FCHSD2: variants seen among roughly 807,000 people sequenced by gnomAD.
The protein encoded by FCHSD2 is F-BAR and double SH3 domains protein 2.
Under a neutral mutation model 108.1 loss-of-function variants are expected in FCHSD2, and 38 were observed. That is an observed-to-expected ratio of 0.35 (90% CI 0.27 to 0.46). FCHSD2 has a LOEUF of 0.46. FCHSD2 is among the 20% of genes least tolerant of loss of function. The pLI, the probability that FCHSD2 is intolerant of heterozygous loss-of-function variation, is 1.00. For synonymous variants in FCHSD2, 279 were observed against 314.7 expected (o/e 0.89, Z 1.20); for missense variants, 751 against 897.8 (o/e 0.84, Z 2.09).
intron 9 of FCHSD2, among the ~76,000 whole-genome samples, chr11:72,909,524 C>T (rs1337214294): frequency 2.0e-5 from 3 of 149,888 alleles, no homozygotes; most frequent in Non-Finnish European, 4.5e-5. Flanking sequence ...AGCCCCTCTG[C>T]CCGGCCGCCC....
chr11:73,102,041 C>T lies in FCHSD2; in HGVS notation c.120-18301G>A, dbSNP rs574555742. On this transcript the variant is annotated intron_variant, in intron 2 of 19. Transcript: ENST00000409418. ...CAATTGAAGTTTGAAGGCCATCAGG[C>T]TGAAGACCATATTTTTAAATATGAA... is the stretch of plus-strand genomic sequence containing the variant. Among the ~76,000 whole-genome samples, 363 of 152,274 alleles carry T rather than the reference C, an allele frequency of 2.4e-3. 1 individual carries two copies. Among genetic ancestry groups the T allele is most frequent in the African/African-American group, 8.3e-3 (344 of 41,542 alleles).
chr11:72,839,586 G>C (rs1860844402), intron 19 of FCHSD2, among the ~76,000 whole-genome samples: 1 of 152,194 alleles, frequency 6.6e-6, no homozygotes, highest in South Asian at 2.1e-4. Context: ...ATTTGGGAAT[G>C]ACTGTGGGAG....
chr11:72,869,156 T>C (rs1266683721), intron 12 of FCHSD2, among the ~76,000 whole-genome samples: 1 of 151,990 alleles, frequency 6.6e-6, no homozygotes, highest in African/African-American at 2.4e-5. Flanking sequence ...ATCCACCTGC[T>C]TCAGCCTCCC....
intron 14 of FCHSD2, among the ~76,000 whole-genome samples, chr11:72,849,527 G>C (rs549091095): frequency 1.1e-4 from 16 of 152,142 alleles, no homozygotes; most frequent in Non-Finnish European, 2.9e-5. Context: ...TGAGGAGCAG[G>C]GGACAACCAA....
chr11:73,047,771 T>C (rs990407195), intron 3 of FCHSD2, among the ~76,000 whole-genome samples: 103 of 152,354 alleles, frequency 6.8e-4, no homozygotes, highest in African/African-American at 2.3e-3. Context: ...GTATTGACTT[T>C]TTTATAATGT....
intron 6 of FCHSD2, among the ~76,000 whole-genome samples, chr11:72,988,641 C>T (rs1857354654): frequency 6.6e-6 from 1 of 152,078 alleles, no homozygotes; most frequent in African/African-American, 2.4e-5. Flanking sequence ...GCTCTTAAAC[C>T]CTGATATTCA....
chr11:73,132,092 C>T (rs748902180), intron 2 of FCHSD2, among the ~76,000 whole-genome samples: 1 of 152,170 alleles, frequency 6.6e-6, no homozygotes, highest in Admixed American at 6.5e-5. Flanking sequence ...ATACCCATCC[C>T]GCAAGTTCTA....
At chr11:72,892,446 T>C (rs1855332418) in intron 10 of FCHSD2, among the ~76,000 whole-genome samples, 1 of 152,228 alleles carries the variant, frequency 6.6e-6, no homozygotes, top group South Asian at 2.1e-4. Context: ...TGGAAGCTCC[T>C]GAGACACAGG....
At chr11:73,098,785 G>C (rs1423334029) in intron 2 of FCHSD2, among the ~76,000 whole-genome samples, 2 of 152,178 alleles carry the variant, frequency 1.3e-5, no homozygotes, top group African/African-American at 4.8e-5. Context: ...AGACCTAAAT[G>C]TAACAGCTAA....
At chr11:72,901,537 C>G (rs1342802306) in intron 10 of FCHSD2, among the ~76,000 whole-genome samples, 1 of 151,932 alleles carries the variant, frequency 6.6e-6, no homozygotes, top group Non-Finnish European at 1.5e-5. Context: ...TTAATGGGGT[C>G]AGGATTTCTT....
rs184723847 is a variant in FCHSD2, at chr11:72,852,175, C to T, written c.1309-2286G>A. On this transcript the variant is annotated intron_variant, in intron 13 of 19. Transcript: ENST00000409418. ...AATTGCTAAGATTATAGGAGTGAGC[C>T]ATCATGCCTGGCTGAGAATGGCTAT... Among the ~76,000 whole-genome samples the T allele has an allele frequency of 1.7e-4, 26 of 152,148 alleles. No homozygotes were observed. In the East Asian group the frequency reaches 2.9e-3, roughly 17 times the overall value.
chr11:73,023,952 C>T (rs1858168239), intron 3 of FCHSD2, among the ~76,000 whole-genome samples: 1 of 152,034 alleles, frequency 6.6e-6, no homozygotes. Context: ...CTGGGAAAGA[C>T]CAATTGATAG....
intron 11 of FCHSD2, among the ~76,000 whole-genome samples, chr11:72,889,583 T>C (rs1303152537): frequency 6.6e-6 from 1 of 152,170 alleles, no homozygotes. Context: ...CATAGTGGCA[T>C]GTGCCTGTGG....
At chr11:72,908,043 A>C (rs2135285097) in intron 9 of FCHSD2, among the ~76,000 whole-genome samples, 1 of 152,154 alleles carries the variant, frequency 6.6e-6, no homozygotes, top group South Asian at 2.1e-4. Flanking sequence ...CCCTTCCCAG[A>C]CTCTGGTAAA....
chr11:72,847,981 C>T (rs1861192000), intron 14 of FCHSD2, among the ~76,000 whole-genome samples: 1 of 152,192 alleles, frequency 6.6e-6, no homozygotes, highest in Non-Finnish European at 1.5e-5. Context: ...CGTGAGCCAC[C>T]ATTCCCGGCC....
chr11:72,984,328 A>T, intron 7 of FCHSD2, 112 bp from the exon 8 acceptor site: 2 of 908,930 alleles, frequency 2.2e-6, no homozygotes, highest in Non-Finnish European at 3.5e-6. Flanking sequence ...AATAAAGGTA[A>T]CCACGTGCGG....
At chr11:73,074,719 C>T (rs1305454062) in intron 3 of FCHSD2, among the ~76,000 whole-genome samples, 2 of 152,180 alleles carry the variant, frequency 1.3e-5, no homozygotes, top group Admixed American at 1.3e-4. Flanking sequence ...ATACATACAT[C>T]TGACAAAGGA....
intron 3 of FCHSD2, among the ~76,000 whole-genome samples, chr11:73,060,526 A>G (rs1859135850): frequency 6.6e-6 from 1 of 152,224 alleles, no homozygotes; most frequent in Non-Finnish European, 1.5e-5. Context: ...AATAATCAAT[A>G]GTATATCATA....
chr11:72,878,893 G>A (rs1467526447), intron 12 of FCHSD2, among the ~76,000 whole-genome samples: 6 of 152,044 alleles, frequency 3.9e-5, no homozygotes, highest in African/African-American at 1.4e-4. Flanking sequence ...GATCACTTGA[G>A]GTCAGGAGTT....
Sources: gnomAD v4.1 joint callset for allele counts (sites outside exome capture counted in the v4.1 genomes callset) on GRCh38, gnomAD v4.1.1 for gene constraint, MANE v1.5 for transcripts, NCBI Gene and HGNC (gene_info 2026-07-23, HGNC 2026-07-21) for gene names.